The following PIEZO2 variants were observed in gnomAD, a reference collection of about 807,000 sequenced individuals.
PIEZO2 encodes the protein piezo-type mechanosensitive ion channel component 2.
A neutral mutation model predicts 337.3 loss-of-function variants in PIEZO2; 172 were observed. That is an observed-to-expected ratio of 0.51 (90% CI 0.45 to 0.58). The LOEUF (loss-of-function observed/expected upper bound fraction) is 0.58. Ranked by LOEUF, PIEZO2 falls within the 20% of genes least tolerant of loss-of-function variation. The probability of loss-of-function intolerance (pLI) is 0.00; values close to 1 mark genes in which losing one functional copy is unlikely to be tolerated. For missense variants in PIEZO2, 3,028 were observed against 3,391.3 expected (o/e 0.89, Z 2.66); for synonymous variants, 1,251 against 1,228.5 (o/e 1.02, Z -0.38).
At chr18:10,926,911 A>G (rs1290288964) in intron 3 of PIEZO2, among the ~76,000 whole-genome samples, 1 of 152,238 alleles carries the variant, frequency 6.6e-6, no homozygotes, top group East Asian at 1.9e-4. Context: ...TTTATCATAT[A>G]TGTCCAAGTA....
intron 34 of PIEZO2, among the ~76,000 whole-genome samples, chr18:10,736,394 T>C (rs1344691947): frequency 6.6e-6 from 1 of 152,166 alleles, no homozygotes; most frequent in Non-Finnish European, 1.5e-5. Flanking sequence ...ACCTGGGCTG[T>C]ACATGGTTCT....
rs2040456594 is a variant in PIEZO2 at position 10,819,408 on chromosome 18, A to C, written c.918-12134T>G. On this transcript the variant is annotated intron_variant, in intron 7 of 55. Transcript: ENST00000674853. This position sits in a 1 kb window ranked among gnomAD's most constrained non-coding sequence, Gnocchi z 4.3. ...AAAAGAATTAAAGATTTTAGATTAC[A>C]GTTATTAATCAATGGAAAGAATAAT... Among the ~76,000 whole-genome samples, 1 of 152,238 alleles carries C rather than the reference A, an allele frequency of 6.6e-6. No individual in the cohort carries two copies.
intron 7 of PIEZO2, among the ~76,000 whole-genome samples, chr18:10,825,220 T>C (rs1184855047): frequency 3.3e-5 from 5 of 152,172 alleles, no homozygotes; most frequent in Non-Finnish European, 7.3e-5. Flanking sequence ...TTACATTTAA[T>C]CATCATGTCT....
chr18:10,803,857 C>G lies in PIEZO2; in HGVS notation c.1200+18G>C. 1 of 1,535,236 alleles carries G rather than the reference C, an allele frequency of 6.5e-7. No homozygotes were observed. Among genetic ancestry groups the G allele is most frequent in the Non-Finnish European group, 8.7e-7 (1 of 1,146,136 alleles). ...ACAGAAAAATTAGGGAACGGAAATC[C>G]CTTTCATCATGGCTTACTTTTCTCT... On this transcript the variant is annotated intron_variant, in intron 9 of 55. Coordinates refer to ENST00000674853, the MANE Select transcript of PIEZO2 (RefSeq NM_001378183.1).
chr18:10,718,611 A>G (rs1321394834), intron 36 of PIEZO2, among the ~76,000 whole-genome samples: 1 of 152,190 alleles, frequency 6.6e-6, no homozygotes, highest in African/African-American at 2.4e-5. Flanking sequence ...AATTATGTGA[A>G]ATTAACAGTC....
chr18:10,833,616 C>T lies in PIEZO2; in HGVS notation c.917+21737G>A, dbSNP rs1381388876. On this transcript the variant is annotated intron_variant, in intron 7 of 55. Transcript: ENST00000674853. The surrounding 1 kb of genome is among the most constrained non-coding windows in gnomAD (Gnocchi z 4.7). Reference sequence around the variant, plus strand: ...CACGCAAGCTGTGAGGACCTCACCTCGCAGAGGCTTCCAGAGCCAAGTACA... The same window carrying T: ...CACGCAAGCTGTGAGGACCTCACCTTGCAGAGGCTTCCAGAGCCAAGTACA... Among the ~76,000 whole-genome samples, 5 of 152,338 alleles carry T rather than the reference C, an allele frequency of 3.3e-5. No individual in the cohort carries two copies. In the South Asian group the frequency reaches 8.3e-4, roughly 25 times the overall value.
In PIEZO2 at chr18:11,069,384, C is replaced by T. The variant is rs2038262506; in HGVS notation, c.65-3162G>A. ...CAAGAATGGTTCAACATACCTATAG[C>T]TGTCAATGTGATACACCACATTAAC... On this transcript the variant is annotated intron_variant, in intron 1 of 55. Coordinates refer to ENST00000674853, the MANE Select transcript of PIEZO2 (RefSeq NM_001378183.1). The surrounding 1 kb of genome is among the most constrained non-coding windows in gnomAD (Gnocchi z 4.9). 6.6e-6 allele frequency among the ~76,000 whole-genome samples: 1 copy of T among 152,176 alleles called. No individual in the cohort carries two copies. Among genetic ancestry groups the T allele is most frequent in the East Asian group, 1.9e-4 (1 of 5,204 alleles).
intron 18 of PIEZO2, among the ~76,000 whole-genome samples, chr18:10,774,363 A>G (rs2038713729): frequency 6.6e-6 from 1 of 152,192 alleles, no homozygotes; most frequent in South Asian, 2.1e-4. Flanking sequence ...AGTCATTCAC[A>G]TTTTTGGTAA....
At position 11,111,065 on chromosome 18, in the gene PIEZO2, C is replaced by G. The variant is rs1426442076; in HGVS notation, c.64+37460G>C. On this transcript the variant is annotated intron_variant, in intron 1 of 55. Coordinates refer to ENST00000674853, the MANE Select transcript of PIEZO2 (RefSeq NM_001378183.1). This position sits in a 1 kb window ranked among gnomAD's most constrained non-coding sequence, Gnocchi z 6.2. ...CCGGGCAGACAGGGCAGAGGACAGA[C>G]AGGGAGCCTCCCCAAGCACTAGGGA... Among the ~76,000 whole-genome samples, 2 of 152,176 alleles carry G rather than the reference C, an allele frequency of 1.3e-5. No individual in the cohort carries two copies. Among genetic ancestry groups the G allele is most frequent in the East Asian group, 3.9e-4 (2 of 5,192 alleles).
rs551363025 is a variant in PIEZO2 at position 10,828,356 on chromosome 18, C to T, written c.918-21082G>A. ...CCCACTAACTAACCTGGACATCAGA[C>T]AACGAACCTCTTCAGAATGAGAAAT... On this transcript the variant is annotated intron_variant, in intron 7 of 55. Coordinates refer to ENST00000674853, the MANE Select transcript of PIEZO2 (RefSeq NM_001378183.1). This position sits in a 1 kb window ranked among gnomAD's most constrained non-coding sequence, Gnocchi z 4.1. Among the ~76,000 whole-genome samples the T allele has an allele frequency of 1.3e-5, 2 of 152,086 alleles. No individual in the cohort carries two copies. Among genetic ancestry groups the T allele is most frequent in the Non-Finnish European group, 2.9e-5 (2 of 68,012 alleles).
At chr18:11,087,947 C>T (rs1331626380) in intron 1 of PIEZO2, among the ~76,000 whole-genome samples, 1 of 152,246 alleles carries the variant, frequency 6.6e-6, no homozygotes, top group African/African-American at 2.4e-5. Context: ...TCTCTGTTCA[C>T]CTTCAAATGA....
chr18:11,095,994 C>T (rs2039251557), intron 1 of PIEZO2, among the ~76,000 whole-genome samples: 1 of 152,240 alleles, frequency 6.6e-6, no homozygotes, highest in Non-Finnish European at 1.5e-5. Flanking sequence ...AAATTCAACA[C>T]TGAAAAACCT....
rs1354003340 is a variant in PIEZO2, at chr18:10,855,193, G to A, written c.917+160C>T. ...TCCAGACTGTGTCATCCAATACAAT[G>A]AAAGTGCTAGACTGCTTCACCCACC... On this transcript the variant is annotated intron_variant, in intron 7 of 55. Transcript: ENST00000674853. This position sits in a 1 kb window ranked among gnomAD's most constrained non-coding sequence, Gnocchi z 4.9. 6.6e-6 allele frequency among the ~76,000 whole-genome samples: 1 copy of A among 152,132 alleles called. No homozygotes were observed. Among genetic ancestry groups the A allele is most frequent in the Non-Finnish European group, 1.5e-5 (1 of 68,016 alleles).
At chr18:11,057,626 T>A (rs978277809) in intron 2 of PIEZO2, among the ~76,000 whole-genome samples, 2 of 152,184 alleles carry the variant, frequency 1.3e-5, no homozygotes, top group African/African-American at 4.8e-5. Flanking sequence ...GGGCCGCAGA[T>A]AGCTCCCTGG....
intron 4 of PIEZO2, among the ~76,000 whole-genome samples, chr18:10,876,156 C>T (rs1406042254): frequency 3.3e-5 from 5 of 152,174 alleles, no homozygotes; most frequent in East Asian, 3.8e-4. Context: ...TACTAAAGTA[C>T]GTTCATCAGA....
chr18:10,702,270 G>A (rs533074359), intron 42 of PIEZO2, 99 bp from the exon 43 acceptor site: 367 of 1,154,296 alleles, frequency 3.2e-4, no homozygotes, highest in Non-Finnish European at 3.9e-4. Flanking sequence ...AAAGAGACCC[G>A]CATTTCACAG....
chr18:10,987,607 T>C (rs929535976), intron 2 of PIEZO2, among the ~76,000 whole-genome samples: 2 of 151,910 alleles, frequency 1.3e-5, no homozygotes, highest in East Asian at 1.9e-4. Context: ...GGAGAAAACA[T>C]AGGGAAAAGA....
chr18:10,972,601 T>C (rs1360370920), intron 3 of PIEZO2, among the ~76,000 whole-genome samples: 2 of 152,222 alleles, frequency 1.3e-5, no homozygotes, highest in African/African-American at 4.8e-5. Flanking sequence ...TTTGGGATTC[T>C]AACCACATGG....
intron 5 of PIEZO2, among the ~76,000 whole-genome samples, chr18:10,865,718 CA>C (rs1037623786): frequency 8.5e-5 from 13 of 152,082 alleles, no homozygotes; most frequent in African/African-American, 2.9e-4. Flanking sequence ...AATTCTATTT[CA>C]GGGGTATTTA....
Sources: gnomAD v4.1 joint callset for allele counts (sites outside exome capture counted in the v4.1 genomes callset) on GRCh38, gnomAD v4.1.1 for gene constraint, Gnocchi (gnomAD v3.1) non-coding constraint, MANE v1.5 for transcripts, NCBI Gene and HGNC (gene_info 2026-07-23, HGNC 2026-07-21) for gene names.